BNC2: variants seen among roughly 807,000 people sequenced by gnomAD.
BNC2 encodes the protein zinc finger protein basonuclin-2.
In BNC2, 20 loss-of-function variants were observed where a neutral mutation model predicts 76.3. The ratio of observed to expected loss-of-function variants is 0.26; its 90% confidence interval spans 0.18 to 0.38. The LOEUF is 0.38. Ranked by LOEUF, BNC2 falls within the 10% of genes least tolerant of loss-of-function variation. The probability of loss-of-function intolerance (pLI) is 1.00; values close to 1 mark genes in which losing one functional copy is unlikely to be tolerated. For synonymous variants in BNC2, 582 were observed against 514.8 expected (o/e 1.13, Z -1.77); for missense variants, 1,382 against 1,399.8 (o/e 0.99, Z 0.20).
chr9:16,722,096 C>G (rs1824174485), intron 3 of BNC2, among the ~76,000 whole-genome samples: 1 of 152,132 alleles, frequency 6.6e-6, no homozygotes, highest in African/African-American at 2.4e-5. Context: ...GAGAGGGAGG[C>G]ACCAGAATTT....
intron 5 of BNC2, among the ~76,000 whole-genome samples, chr9:16,462,142 C>T (rs550153075): frequency 3.3e-5 from 5 of 152,300 alleles, no homozygotes; most frequent in African/African-American, 1.2e-4. Context: ...AGAAATCCTC[C>T]TGCTGTCTCT....
intron 3 of BNC2, among the ~76,000 whole-genome samples, chr9:16,694,439 T>C (rs1189983270): frequency 1.3e-5 from 2 of 152,082 alleles, no homozygotes; most frequent in African/African-American, 4.8e-5. Flanking sequence ...AAATGCACAG[T>C]GGTTGGCTAG....
intron 5 of BNC2, among the ~76,000 whole-genome samples, chr9:16,540,156 AT>A (rs36075261): frequency 0.068 from 8,091 of 118,468 alleles, 183 homozygotes; most frequent in East Asian, 0.19. Context: ...ATTTAACGTG[AT>A]TTTTTTTTTT....
intron 1 of BNC2, among the ~76,000 whole-genome samples, chr9:16,800,564 T>C (rs997916482): frequency 4.6e-5 from 7 of 152,182 alleles, no homozygotes; most frequent in African/African-American, 1.7e-4. Flanking sequence ...GAACTCTTTT[T>C]TTTTTCTGGC....
rs1281382565 is a variant in BNC2, at chr9:16,437,179, G to A, written c.1015C>T (p.Pro339Ser). 1 of 1,614,184 alleles carries A rather than the reference G, an allele frequency of 6.2e-7. No individual in the cohort carries two copies. The change falls in exon 6 of 7, where the codon CCT (proline) becomes TCT (serine). Residue 339 changes from proline (P) to serine (S), a missense_variant. By Grantham distance (74) the Pro-to-Ser change is moderately conservative. Around this residue, in one of 3 missense-constraint regions of BNC2, gnomAD observed 557 missense variants for 540.9 expected, o/e 1.03. Transcript: ENST00000380672. ...NPVSAPLLGL[P>S]PNGLLLEQPG... ...TGCTCTAACAGTAGCCCATTTGGAG[G>A]CAACCCTAGCAGTGGTGCTGAGACA...
chr9:16,557,871 T>C (rs1818886905), intron 4 of BNC2, among the ~76,000 whole-genome samples: 1 of 151,804 alleles, frequency 6.6e-6, no homozygotes, highest in South Asian at 2.1e-4. Flanking sequence ...GTTTGTTTGT[T>C]TTTTTTTGAG....
At chr9:16,597,214 A>G (rs1820115810) in intron 3 of BNC2, among the ~76,000 whole-genome samples, 1 of 152,258 alleles carries the variant, frequency 6.6e-6, no homozygotes, top group South Asian at 2.1e-4. Context: ...GCCATGTACT[A>G]TTGTATGTAA....
intron 3 of BNC2, among the ~76,000 whole-genome samples, chr9:16,602,844 G>A (rs961796793): frequency 6.6e-6 from 1 of 152,156 alleles, no homozygotes; most frequent in Non-Finnish European, 1.5e-5. Flanking sequence ...CAGGAACATG[G>A]ATTTTTATCA....
chr9:16,518,166 T>C (rs1217584640), intron 5 of BNC2, among the ~76,000 whole-genome samples: 1 of 152,194 alleles, frequency 6.6e-6, no homozygotes, highest in Admixed American at 6.5e-5. Context: ...TGGTTGCTCA[T>C]GCATGTAATC....
chr9:16,760,448 T>A (rs990916080), intron 1 of BNC2, among the ~76,000 whole-genome samples: 14 of 152,160 alleles, frequency 9.2e-5, no homozygotes, highest in Non-Finnish European at 1.9e-4. Flanking sequence ...ATTCTTAGGA[T>A]GTAATGAGGG....
chr9:16,615,123 A>G (rs927106274), intron 3 of BNC2, among the ~76,000 whole-genome samples: 5 of 152,132 alleles, frequency 3.3e-5, no homozygotes, highest in Admixed American at 1.3e-4. Flanking sequence ...GAGTGAGGAT[A>G]CAGCATGATA....
intron 1 of BNC2, among the ~76,000 whole-genome samples, chr9:16,811,951 G>T (rs938934491): frequency 6.6e-6 from 1 of 152,194 alleles, no homozygotes; most frequent in Non-Finnish European, 1.5e-5. Context: ...CTTTAGGGAG[G>T]TGTGAAAAAG....
chr9:16,510,416 G>A (rs1280680665), intron 5 of BNC2, among the ~76,000 whole-genome samples: 1 of 152,146 alleles, frequency 6.6e-6, no homozygotes, highest in South Asian at 2.1e-4. Context: ...AATAAAATTA[G>A]GATATAAAAA....
At chr9:16,643,432 A>C (rs1821543525) in intron 3 of BNC2, among the ~76,000 whole-genome samples, 3 of 152,120 alleles carry the variant, frequency 2.0e-5, no homozygotes, top group African/African-American at 7.2e-5. Context: ...CATAAGTAAG[A>C]AAGGCTGGTC....
intron 1 of BNC2, among the ~76,000 whole-genome samples, chr9:16,762,026 A>T (rs1249092041): frequency 1.3e-5 from 2 of 152,202 alleles, no homozygotes; most frequent in Admixed American, 1.3e-4. Context: ...GAACCAATAG[A>T]GTCACCAACA....
At position 16,417,309 on chromosome 9, in the gene BNC2, G is replaced by GAAACA. The variant is rs1820605504; in HGVS notation, c.*1675_*1679dup. The stretch of plus-strand genomic sequence containing the variant: ...GCTCAGGCAACATGTGTAAACATCG[G>GAAACA]AAACAAAACAAAACAAAAAAGGTTT... On this transcript the variant is annotated 3_prime_UTR_variant, in exon 7 of 7. Transcript: ENST00000380672. 1 of 152,520 alleles carries GAAACA rather than the reference G, an allele frequency of 6.6e-6. No individual in the cohort carries two copies. The highest frequency in any genetic ancestry group is 1.5e-5 in the Non-Finnish European group (1 of 68,024). The allele number at this position is 152,520 out of a possible 1,614,324, so 9.4% of individuals were successfully genotyped here.
chr9:16,747,878 T>C (rs1204571133), intron 1 of BNC2, among the ~76,000 whole-genome samples: 1 of 152,250 alleles, frequency 6.6e-6, no homozygotes, highest in Non-Finnish European at 1.5e-5. Flanking sequence ...TTCAACTATC[T>C]ACCATTTTAT....
chr9:16,726,013 C>T (rs1192129420), intron 3 of BNC2, among the ~76,000 whole-genome samples: 1 of 151,918 alleles, frequency 6.6e-6, no homozygotes, highest in East Asian at 1.9e-4. Context: ...CACACACACA[C>T]ACACGACCTC....
intron 1 of BNC2, among the ~76,000 whole-genome samples, chr9:16,750,453 C>T (rs562572389): frequency 6.6e-6 from 1 of 152,196 alleles, no homozygotes; most frequent in Non-Finnish European, 1.5e-5. Context: ...CCTTACAGAA[C>T]CTACTTTTGC....
Sources: allele counts gnomAD v4.1 joint callset (sites outside exome capture counted in the v4.1 genomes callset), GRCh38; gene constraint gnomAD v4.1.1; regional missense constraint gnomAD v4.1.1; transcripts MANE v1.5; gene names NCBI Gene and HGNC (gene_info 2026-07-23, HGNC 2026-07-21).